COL4A1: variants seen among roughly 807,000 people sequenced by gnomAD.
COL4A1 encodes the protein collagen type IV alpha 1 chain, also known as collagen alpha-1(IV) chain.
In COL4A1, 40 loss-of-function variants were observed where a neutral mutation model predicts 216.6. That is an observed-to-expected ratio of 0.18 (90% confidence interval 0.14 to 0.24). The LOEUF (loss-of-function observed/expected upper bound fraction) is 0.24, where lower values mean the gene tolerates loss of function less well. Among genes scored for constraint, COL4A1 ranks in the 10% least tolerant of loss-of-function variants. COL4A1 has a pLI of 1.00. For missense variants in COL4A1, 1,628 were observed against 2,196.8 expected (o/e 0.74, Z 5.18); for synonymous variants, 839 against 810.7 (o/e 1.03, Z -0.59).
chr13:110,177,509 C>A (rs772547627), intron 33 of COL4A1, among the ~76,000 whole-genome samples: 1 of 152,132 alleles, frequency 6.6e-6, no homozygotes, highest in Non-Finnish European at 1.5e-5. Flanking sequence ...TGTAAACTTG[C>A]GCAGGTTGTT....
At chr13:110,291,154 C>T (rs939028277) in intron 1 of COL4A1, among the ~76,000 whole-genome samples, 7 of 152,232 alleles carry the variant, frequency 4.6e-5, no homozygotes, top group African/African-American at 1.4e-4. Flanking sequence ...TAAGGTGTGT[C>T]GAGGACCTGG....
chr13:110,294,730 G>C (rs552097514), intron 1 of COL4A1, among the ~76,000 whole-genome samples: 4 of 152,182 alleles, frequency 2.6e-5, no homozygotes, highest in African/African-American at 9.7e-5. Context: ...AAATAGCAGA[G>C]AGGGATATCC....
At chr13:110,252,520 G>A (rs1199764467) in intron 1 of COL4A1, among the ~76,000 whole-genome samples, 1 of 7,918 alleles carries the variant, frequency 1.3e-4, no homozygotes, top group African/African-American at 1.9e-4. Context: ...TTATATATAC[G>A]TATAATTATA....
chr13:110,271,605 C>T (rs1312918316), intron 1 of COL4A1, among the ~76,000 whole-genome samples: 1 of 152,146 alleles, frequency 6.6e-6, no homozygotes, highest in Non-Finnish European at 1.5e-5. Flanking sequence ...CAGCCCCCGC[C>T]CTGACCCACA....
At position 110,149,339 on chromosome 13, in the gene COL4A1, T is replaced by C. The variant is rs1485416009; in HGVS notation, c.*1024A>G. 2 of 154,816 alleles carry C rather than the reference T, an allele frequency of 1.3e-5. No individual in the cohort carries two copies. The highest frequency in any genetic ancestry group is 4.8e-5 in the African/African-American group (2 of 41,534). 9.6% of individuals were successfully genotyped at this position (154,816 alleles called of 1,614,324 possible). ...AACAGAGCTGTTTTTCAAGCCAGGA[T>C]GCAGAATGAGGAATACTAATGAAAT... On this transcript the variant is annotated 3_prime_UTR_variant, in exon 52 of 52. Coordinates refer to ENST00000375820, the MANE Select transcript of COL4A1 (RefSeq NM_001845.6).
intron 30 of COL4A1, 60 bp from the exon 31 acceptor site, chr13:110,179,096 G>T (rs538168335): frequency 6.4e-7 from 1 of 1,561,960 alleles, no homozygotes; most frequent in South Asian, 1.1e-5. Context: ...CCCGGCCTAG[G>T]AGACCCATGC....
At chr13:110,276,795 A>G (rs1883448685) in intron 1 of COL4A1, among the ~76,000 whole-genome samples, 1 of 152,238 alleles carries the variant, frequency 6.6e-6, no homozygotes, top group African/African-American at 2.4e-5. Flanking sequence ...AAAACTCTGC[A>G]GTATAAAGAT....
At chr13:110,163,994 T>C (rs1877213831) in intron 46 of COL4A1, among the ~76,000 whole-genome samples, 1 of 145,564 alleles carries the variant, frequency 6.9e-6, no homozygotes, top group African/African-American at 2.5e-5. Context: ...CTTTTTTTTT[T>C]TTTTTTTTTT....
intron 1 of COL4A1, among the ~76,000 whole-genome samples, chr13:110,289,122 A>G (rs1001237783): frequency 3.9e-5 from 6 of 152,040 alleles, no homozygotes; most frequent in African/African-American, 1.4e-4. Context: ...GTATCTGGGG[A>G]GAGCAATGGC....
At chr13:110,267,372 C>T (rs977381153) in intron 1 of COL4A1, among the ~76,000 whole-genome samples, 8 of 152,146 alleles carry the variant, frequency 5.3e-5, no homozygotes, top group African/African-American at 1.2e-4. Flanking sequence ...CAAAGATGAA[C>T]GTGTTTTTTC....
At chr13:110,164,716 A>T in intron 46 of COL4A1, 146 bp downstream of exon 46, 1 of 1,265,408 alleles carries the variant, frequency 7.9e-7, no homozygotes. Context: ...TTTGATATGC[A>T]TTGAAGGGAG....
chr13:110,290,056 G>A (rs1164150619), intron 1 of COL4A1, among the ~76,000 whole-genome samples: 1 of 152,204 alleles, frequency 6.6e-6, no homozygotes, highest in Non-Finnish European at 1.5e-5. Context: ...CCCTCGCAGG[G>A]GCGTCACTCC....
intron 2 of COL4A1, among the ~76,000 whole-genome samples, chr13:110,236,047 T>C (rs1881302669): frequency 6.6e-6 from 1 of 152,216 alleles, no homozygotes. Context: ...AAATTTATGA[T>C]CTTAGGAAAA....
At chr13:110,286,876 C>T (rs943007406) in intron 1 of COL4A1, among the ~76,000 whole-genome samples, 38 of 152,224 alleles carry the variant, frequency 2.5e-4, no homozygotes, top group African/African-American at 8.7e-4. Flanking sequence ...TCCACTAAAC[C>T]CAAAGAGTTA....
At chr13:110,205,109 G>GA (rs1179356481) in intron 17 of COL4A1, among the ~76,000 whole-genome samples, 6 of 151,786 alleles carry the variant, frequency 4.0e-5, no homozygotes, top group Non-Finnish European at 5.9e-5. Context: ...TTATGATCAG[G>GA]AAAAAAATAA....
chr13:110,160,992 A>G (rs941060486), intron 49 of COL4A1, 200 bp downstream of exon 49: 7 of 650,508 alleles, frequency 1.1e-5, no homozygotes, highest in Admixed American at 2.6e-5. Flanking sequence ...TACGGGCATG[A>G]GCCACTGTGC....
At chr13:110,289,630 A>G (rs9555682) in intron 1 of COL4A1, among the ~76,000 whole-genome samples, 44,638 of 152,128 alleles carry the variant, frequency 0.29, 7,973 homozygotes, top group Admixed American at 0.43. Flanking sequence ...ATATGTAAAG[A>G]GTTCAACATG....
intron 42 of COL4A1, 125 bp downstream of exon 42, chr13:110,170,422 T>C (rs1446991216): frequency 9.5e-7 from 1 of 1,047,898 alleles, no homozygotes; most frequent in Non-Finnish European, 1.4e-6. Context: ...TTTCAAGCTG[T>C]AATAAATGCT....
At position 110,181,349 on chromosome 13, in the gene COL4A1, A is replaced by T. The variant is rs1414819709; in HGVS notation, c.2136T>A (p.Thr712=). 1.2e-6 allele frequency: 2 copies of T among 1,613,586 alleles called. No individual in the cohort carries two copies. The highest frequency in any genetic ancestry group is 2.7e-5 in the African/African-American group (2 of 74,808). Reference sequence around the variant, plus strand: ...AGCCATTAAATCCCGGGCGACCTGGAGTCCCCGGTGGCCCCATGTCTCCAG... The same window carrying T: ...AGCCATTAAATCCCGGGCGACCTGGTGTCCCCGGTGGCCCCATGTCTCCAG... The part of the protein sequence containing the change: ...GLPGDMGPPG[T]PGRPGFNGLP... The change falls in exon 29 of 52, where the codon ACT becomes ACA. Residue 712 remains threonine (T), a synonymous_variant. Coordinates refer to ENST00000375820, the MANE Select transcript of COL4A1 (RefSeq NM_001845.6).
Sources: gnomAD v4.1 joint callset for allele counts (sites outside exome capture counted in the v4.1 genomes callset) on GRCh38, gnomAD v4.1.1 for gene constraint, MANE v1.5 for transcripts, NCBI Gene and HGNC (gene_info 2026-07-23, HGNC 2026-07-21) for gene names.